The following DENND4C variants were observed in gnomAD, a reference collection of about 807,000 sequenced individuals.
DENND4C encodes DENN domain-containing protein 4C.
DENND4C carries 108 observed loss-of-function variants against 203.0 expected under a neutral mutation model. The observed-to-expected ratio is 0.53, with a 90% CI of 0.46 to 0.62. DENND4C has a LOEUF of 0.62. Among genes scored for constraint, DENND4C ranks in the 20% least tolerant of loss-of-function variants. DENND4C has a pLI of 0.00. For synonymous variants in DENND4C, 871 were observed against 792.4 expected (o/e 1.10, Z -1.67); for missense variants, 2,481 against 2,301.2 (o/e 1.08, Z -1.60).
intron 1 of DENND4C, among the ~76,000 whole-genome samples, chr9:19,262,766 A>G (rs1419352648): frequency 1.3e-5 from 2 of 150,134 alleles, no homozygotes; most frequent in Non-Finnish European, 3.0e-5. Flanking sequence ...ATGGGGTTTC[A>G]CCATGTTGGC....
At chr9:19,281,098 C>T (rs1331113642) in intron 2 of DENND4C, among the ~76,000 whole-genome samples, 1 of 152,148 alleles carries the variant, frequency 6.6e-6, no homozygotes, top group Non-Finnish European at 1.5e-5. Context: ...CCCATACAGT[C>T]ATGACTGAAA....
chr9:19,324,379 G>C lies in DENND4C; in HGVS notation c.1825G>C (p.Asp609His). The C allele has an allele frequency of 6.2e-7, 1 of 1,600,808 alleles. No homozygotes were observed. ...FDRQGFLKSR[D>H]RAYAKFYTLL... is the part of the protein sequence containing the mutation. ...TTCCTCAGGATTTTTAAAAAGTCGAGATCGTGCCTATGCAAAATTCTATAC... is the reference window on the plus strand; with the variant it reads ...TTCCTCAGGATTTTTAAAAAGTCGACATCGTGCCTATGCAAAATTCTATAC... The change falls in exon 13 of 33, where the codon GAT becomes CAT. Residue 609 changes from aspartate (D) to histidine (H), a missense_variant. Transcript: ENST00000434457.
Position 19,352,560 on chromosome 9 carries a change from G to GA in DENND4C, c.4677dup (p.Trp1560MetfsTer5). On this transcript the variant is annotated frameshift_variant, in exon 26 of 33. Transcript: ENST00000434457. LOFTEE classifies it high-confidence loss of function. ...GTTTATGATGAAGAAATTATGGCTG[G>GA]ATGGACAGCAGATGACTCAAATTTG... The GA allele has an allele frequency of 6.2e-7, 1 of 1,613,848 alleles. No homozygotes were observed. The highest frequency in any genetic ancestry group is 8.5e-7 in the Non-Finnish European group (1 of 1,179,858).
intron 1 of DENND4C, among the ~76,000 whole-genome samples, chr9:19,239,120 G>GT (rs1823040431): frequency 6.6e-6 from 1 of 151,922 alleles, no homozygotes; most frequent in African/African-American, 2.4e-5. Context: ...TGCATTTTAT[G>GT]TTTTTTCCCT....
rs114539868 is a variant in DENND4C at position 19,312,672 on chromosome 9, G to A, written c.1488-3745G>A. Reference sequence around the variant, plus strand: ...AAGTTTTAAAACTCCCAGTGTGATGGTGGATTTGTCAATTGCATTTTATAG... The same window carrying A: ...AAGTTTTAAAACTCCCAGTGTGATGATGGATTTGTCAATTGCATTTTATAG... On this transcript the variant is annotated intron_variant, in intron 10 of 32. Coordinates refer to ENST00000434457, the MANE Select transcript of DENND4C (RefSeq NM_001330640.2). Among the ~76,000 whole-genome samples the A allele has an allele frequency of 7.3e-3, 1,115 of 152,258 alleles. 17 individuals carry two copies. The highest frequency in any genetic ancestry group is 0.026 in the African/African-American group (1,077 of 41,544).
chr9:19,348,738 A>G (rs1303711118), intron 23 of DENND4C, among the ~76,000 whole-genome samples: 1 of 152,168 alleles, frequency 6.6e-6, no homozygotes, highest in Non-Finnish European at 1.5e-5. Context: ...CAGTCAAGGG[A>G]AGGCGAAATA....
chr9:19,259,248 C>T (rs999960315), intron 1 of DENND4C, among the ~76,000 whole-genome samples: 2 of 151,958 alleles, frequency 1.3e-5, no homozygotes, highest in Admixed American at 6.6e-5. Flanking sequence ...CCCGCCACCT[C>T]CCCACTGCCC....
chr9:19,277,732 C>A (rs959410148), intron 2 of DENND4C, among the ~76,000 whole-genome samples: 2 of 151,966 alleles, frequency 1.3e-5, no homozygotes, highest in African/African-American at 2.4e-5. Flanking sequence ...TTGTCTCATT[C>A]CTGATTTTAG....
At chr9:19,333,145 G>A (rs890987686) in intron 17 of DENND4C, among the ~76,000 whole-genome samples, 4 of 151,910 alleles carry the variant, frequency 2.6e-5, no homozygotes, top group African/African-American at 7.3e-5. Flanking sequence ...CTCCTGAGTA[G>A]CTGGGACTAC....
At chr9:19,337,360 C>T (rs868720915) in intron 20 of DENND4C, among the ~76,000 whole-genome samples, 4 of 152,292 alleles carry the variant, frequency 2.6e-5, no homozygotes, top group South Asian at 4.1e-4. Flanking sequence ...TAAAGTAGCA[C>T]GTTGTGCAGA....
intron 1 of DENND4C, among the ~76,000 whole-genome samples, chr9:19,237,637 G>A (rs1373586932): frequency 1.3e-5 from 2 of 152,130 alleles, no homozygotes; most frequent in Non-Finnish European, 2.9e-5. Flanking sequence ...GATTACAGGC[G>A]TAGCCATCGC....
chr9:19,357,967 A>G lies in DENND4C; in HGVS notation c.4967A>G (p.Asp1656Gly), dbSNP rs753280738. 1 of 1,598,072 alleles carries G rather than the reference A, an allele frequency of 6.3e-7. No homozygotes were observed. Among genetic ancestry groups the G allele is most frequent in the South Asian group, 1.1e-5 (1 of 89,520 alleles). Residue 1656 changes from aspartate to glycine, a missense_variant and splice_region_variant, in exon 28 of 33, where the codon GAT (aspartate) becomes GGT (glycine). Asp to Gly is a moderately conservative substitution (Grantham distance 94, BLOSUM62 -1). Coordinates refer to ENST00000434457, the MANE Select transcript of DENND4C (RefSeq NM_001330640.2). ...TTTCTTCTATATTTATTTTTAAGTG[A>G]TGAAATAAAGAGAGCCAGTGGAGAT... ...EETGSAVEPS[D>G]EIKRASGDVQ...
chr9:19,346,565 C>A lies in DENND4C; in HGVS notation c.3796C>A (p.Pro1266Thr). The change falls in exon 23 of 33, where the codon CCT becomes ACT. Residue 1266 changes from proline to threonine, a missense_variant. This residue lies in a region of DENND4C where 2,289 missense variants were observed against 2,113.3 expected (regional missense o/e 1.08). Coordinates refer to ENST00000434457, the MANE Select transcript of DENND4C (RefSeq NM_001330640.2). Reference sequence around the variant, plus strand: ...CACTGAATGTACAGGAGGAAAAACTCCTGATTCTGAAGATAAGTTGTTTTC... The same window carrying A: ...CACTGAATGTACAGGAGGAAAAACTACTGATTCTGAAGATAAGTTGTTTTC... Reference protein sequence around the residue: ...LATECTGGKTPDSEDKLFSPV... With the variant: ...LATECTGGKTTDSEDKLFSPV... 6.2e-7 allele frequency: 1 copy of A among 1,614,118 alleles called. No homozygotes were observed. The highest frequency in any genetic ancestry group is 1.7e-5 in the Admixed American group (1 of 60,018).
intron 22 of DENND4C, among the ~76,000 whole-genome samples, chr9:19,344,583 TTCC>T (rs1312795564): frequency 6.6e-6 from 1 of 152,178 alleles, no homozygotes; most frequent in African/African-American, 2.4e-5. Context: ...CAGCCTCAAC[TTCC>T]TGGGCTCAGG....
Position 19,350,882 on chromosome 9 carries a change from A to G in DENND4C, c.4495+3A>G, listed in dbSNP as rs1228118589. 1.2e-6 allele frequency: 2 copies of G among 1,603,462 alleles called. No homozygotes were observed. Among genetic ancestry groups the G allele is most frequent in the Non-Finnish European group, 1.7e-6 (2 of 1,175,128 alleles). On this transcript the variant is annotated splice_donor_region_variant and intron_variant, in intron 24 of 32. Coordinates refer to ENST00000434457, the MANE Select transcript of DENND4C (RefSeq NM_001330640.2). ...AGGAAAACTGCATTATCCAACAGGT[A>G]TGGGGAAGGATTATCCTTTCTTCAT...
At chr9:19,345,041 G>C (rs1822537050) in intron 22 of DENND4C, among the ~76,000 whole-genome samples, 1 of 152,112 alleles carries the variant, frequency 6.6e-6, no homozygotes, top group Admixed American at 6.5e-5. Context: ...CAAAGGCCCT[G>C]CCTCCTAATA....
chr9:19,236,780 A>G (rs1588705688), intron 1 of DENND4C, among the ~76,000 whole-genome samples: 1 of 152,138 alleles, frequency 6.6e-6, no homozygotes, highest in Admixed American at 6.5e-5. Context: ...CTTCTTGCCC[A>G]CTGTGTACCT....
At chr9:19,354,493 G>A (rs1050355148) in intron 26 of DENND4C, among the ~76,000 whole-genome samples, 2 of 148,428 alleles carry the variant, frequency 1.3e-5, no homozygotes, top group Non-Finnish European at 3.0e-5. Context: ...GGCATTGTTT[G>A]AATTTCTCTT....
chr9:19,315,267 C>A (rs925832817), intron 10 of DENND4C, among the ~76,000 whole-genome samples: 2 of 151,588 alleles, frequency 1.3e-5, no homozygotes, highest in Admixed American at 1.3e-4. Flanking sequence ...AACTATGTGT[C>A]CTGTTCTGTG....
Sources: gnomAD v4.1 joint callset for allele counts (sites outside exome capture counted in the v4.1 genomes callset) on GRCh38, gnomAD v4.1.1 for gene constraint, gnomAD v4.1.1 regional missense constraint, MANE v1.5 for transcripts, NCBI Gene and HGNC (gene_info 2026-07-23, HGNC 2026-07-21) for gene names.